Variants in STK39 observed in about 807,000 individuals in gnomAD.
The protein encoded by STK39 is serine/threonine kinase 39.
Under a neutral mutation model 77.8 loss-of-function variants are expected in STK39, and 20 were observed. The observed-to-expected ratio is 0.26, with a 90% CI of 0.18 to 0.37. The LOEUF (loss-of-function observed/expected upper bound fraction) is 0.37, where lower values mean the gene tolerates loss of function less well. STK39 is among the 10% of genes least tolerant of loss of function. The pLI is 1.00. For synonymous variants in STK39, 246 were observed against 234.1 expected, an observed-to-expected ratio of 1.05 and a Z score of -0.47; for missense variants, 479 against 656.5, an observed-to-expected ratio of 0.73 and a Z score of 2.95.
Position 168,143,584 on chromosome 2 carries a change from C to T in STK39, c.629-2826G>A, listed in dbSNP as rs371594325. On this transcript the variant is annotated intron_variant, in intron 5 of 17. Coordinates refer to ENST00000355999, the MANE Select transcript of STK39 (RefSeq NM_013233.3). ...AAAAAATCAGCTGGGCCTGGTGGCACGCGCCTGTAGTCCCAGCAACTCTGG... is the reference window on the plus strand; with the variant it reads ...AAAAAATCAGCTGGGCCTGGTGGCATGCGCCTGTAGTCCCAGCAACTCTGG... 2.4e-4 allele frequency among the ~76,000 whole-genome samples: 37 copies of T among 152,240 alleles called. No homozygotes were observed. The East Asian group carries it at 3.9e-3, about 16-fold the overall frequency.
At chr2:167,976,925 A>G (rs1381341840) in intron 16 of STK39, among the ~76,000 whole-genome samples, 1 of 152,240 alleles carries the variant, frequency 6.6e-6, no homozygotes, top group African/African-American at 2.4e-5. Flanking sequence ...GTGGGCAGGA[A>G]GAACCCATTG....
At chr2:167,989,902 T>C (rs1380263200) in intron 16 of STK39, among the ~76,000 whole-genome samples, 2 of 152,120 alleles carry the variant, frequency 1.3e-5, no homozygotes, top group Non-Finnish European at 2.9e-5. Context: ...TCTACCCATA[T>C]GCAAAAGTGA....
chr2:168,114,282 A>T (rs962358021), intron 10 of STK39, among the ~76,000 whole-genome samples: 1 of 152,232 alleles, frequency 6.6e-6, no homozygotes, highest in Non-Finnish European at 1.5e-5. Context: ...CTAACCTTAG[A>T]CAATAATTTC....
At chr2:168,016,776 A>G (rs1684420658) in intron 15 of STK39, among the ~76,000 whole-genome samples, 1 of 152,272 alleles carries the variant, frequency 6.6e-6, no homozygotes, top group East Asian at 1.9e-4. Context: ...TTACCATAGC[A>G]ATACTTATTT....
At chr2:168,246,606 G>GCGCGGAGAGC (rs1690910827) in intron 1 of STK39, among the ~76,000 whole-genome samples, 1 of 152,206 alleles carries the variant, frequency 6.6e-6, no homozygotes, top group African/African-American at 2.4e-5. Context: ...GCGCCGAGTG[G>GCGCGGAGAGC]CGCGGAGAGC....
At chr2:167,990,217 G>A (rs1216999974) in intron 16 of STK39, among the ~76,000 whole-genome samples, 1 of 152,194 alleles carries the variant, frequency 6.6e-6, no homozygotes, top group Non-Finnish European at 1.5e-5. Context: ...CAGTGGCCTG[G>A]TACCTGATAC....
At chr2:167,998,405 A>G (rs191652553) in intron 16 of STK39, among the ~76,000 whole-genome samples, 70 of 152,352 alleles carry the variant, frequency 4.6e-4, no homozygotes, top group African/African-American at 1.6e-3. Context: ...CCCAATGAAC[A>G]TGAATATTTT....
intron 10 of STK39, among the ~76,000 whole-genome samples, chr2:168,123,720 T>C (rs914966416): frequency 1.1e-4 from 17 of 151,744 alleles, no homozygotes; most frequent in Admixed American, 7.2e-4. Flanking sequence ...AATATAAAAA[T>C]TAGCCGGGCA....
chr2:168,095,767 C>T (rs1686651004), intron 10 of STK39, among the ~76,000 whole-genome samples: 1 of 151,958 alleles, frequency 6.6e-6, no homozygotes, highest in South Asian at 2.1e-4. Flanking sequence ...GCTGGGACTA[C>T]AGGGTATCTC....
At chr2:168,056,699 T>G (rs1685536265) in intron 14 of STK39, among the ~76,000 whole-genome samples, 1 of 152,220 alleles carries the variant, frequency 6.6e-6, no homozygotes, top group African/African-American at 2.4e-5. Context: ...TATGTGTGTG[T>G]ACATGTAGAT....
At chr2:168,099,628 T>C (rs986320413) in intron 10 of STK39, among the ~76,000 whole-genome samples, 1 of 152,192 alleles carries the variant, frequency 6.6e-6, no homozygotes, top group Admixed American at 6.5e-5. Context: ...GTTGTGACAA[T>C]TCATACACTT....
intron 16 of STK39, among the ~76,000 whole-genome samples, chr2:167,983,453 CAAAAAAAA>C (rs761596679): frequency 5.4e-5 from 5 of 92,178 alleles, no homozygotes; most frequent in South Asian, 7.3e-4. Flanking sequence ...AAACTCCATC[CAAAAAAAA>C]AAAAAAAAAG....
chr2:168,137,410 G>C (rs774748706), intron 8 of STK39, among the ~76,000 whole-genome samples: 15 of 152,142 alleles, frequency 9.9e-5, no homozygotes, highest in Non-Finnish European at 2.1e-4. Context: ...ACAAAGAACA[G>C]TGGGCTCCAT....
chr2:168,132,896 GGGGAAAGTGATGC>G, intron 8 of STK39, among the ~76,000 whole-genome samples: 1 of 152,282 alleles, frequency 6.6e-6, no homozygotes, highest in South Asian at 2.1e-4. Context: ...ATCAAATATG[GGGGAAAGTGATGC>G]TGCTACACAT....
chr2:168,121,982 C>T (rs1178897075), intron 10 of STK39, among the ~76,000 whole-genome samples: 1 of 152,200 alleles, frequency 6.6e-6, no homozygotes, highest in African/African-American at 2.4e-5. Flanking sequence ...AGGTGCACCT[C>T]CACTTCCTGC....
intron 14 of STK39, among the ~76,000 whole-genome samples, chr2:168,040,920 C>CT (rs1293551689): frequency 6.6e-6 from 1 of 152,164 alleles, no homozygotes; most frequent in Non-Finnish European, 1.5e-5. Context: ...ACGTTTCTCT[C>CT]TTTTTTAGTA....
chr2:168,085,960 T>C (rs1686355556), intron 10 of STK39, among the ~76,000 whole-genome samples: 1 of 152,178 alleles, frequency 6.6e-6, no homozygotes, highest in Non-Finnish European at 1.5e-5. Context: ...CCCTGTGCTG[T>C]GAGGTAGCCC....
At chr2:168,008,390 T>G (rs1276892048) in intron 16 of STK39, among the ~76,000 whole-genome samples, 3 of 152,146 alleles carry the variant, frequency 2.0e-5, no homozygotes. Context: ...TGCCCAGGGT[T>G]TTGGCCTGAG....
At chr2:168,040,245 GA>G (rs950894686) in intron 14 of STK39, among the ~76,000 whole-genome samples, 6 of 151,890 alleles carry the variant, frequency 4.0e-5, no homozygotes, top group Non-Finnish European at 7.4e-5. Flanking sequence ...GACAGATATA[GA>G]AAAAATAAAG....
Sources: gnomAD v4.1 joint callset for allele counts (sites outside exome capture counted in the v4.1 genomes callset) on GRCh38, gnomAD v4.1.1 for gene constraint, MANE v1.5 for transcripts, NCBI Gene and HGNC (gene_info 2026-07-23, HGNC 2026-07-21) for gene names.